RASSF3: variants seen among roughly 807,000 people sequenced by gnomAD.
RASSF3 encodes the protein Ras association domain family member 3.
In RASSF3, 19 loss-of-function variants were observed where a neutral mutation model predicts 19.9. The ratio of observed to expected loss-of-function variants is 0.96; its 90% CI spans 0.67 to 1.40. The LOEUF (loss-of-function observed/expected upper bound fraction) is 1.40. Among genes scored for constraint, RASSF3 ranks in the 40% most tolerant of loss-of-function variants. RASSF3 has a pLI of 0.00. For missense variants in RASSF3, 306 were observed against 289.8 expected (o/e 1.06, Z -0.41); for synonymous variants, 110 against 104.2 (o/e 1.06, Z -0.34).
intron 2 of RASSF3, among the ~76,000 whole-genome samples, chr12:64,601,650 C>T (rs1870092973): frequency 6.6e-6 from 1 of 151,206 alleles, no homozygotes; most frequent in South Asian, 2.1e-4. Flanking sequence ...GGAGGGACCC[C>T]GTCTCTACAA....
intron 2 of RASSF3, among the ~76,000 whole-genome samples, chr12:64,581,171 G>A (rs915181176): frequency 2.0e-5 from 3 of 151,744 alleles, no homozygotes; most frequent in African/African-American, 7.3e-5. Context: ...CACTCATCCA[G>A]TTCTTCATTT....
At chr12:64,567,422 G>T (rs1462877938) in intron 2 of RASSF3, among the ~76,000 whole-genome samples, 1 of 152,148 alleles carries the variant, frequency 6.6e-6, no homozygotes, top group Admixed American at 6.6e-5. Flanking sequence ...GTTAAGTGTG[G>T]CCAGTAACTG....
chr12:64,558,247 C>CA (rs1869285928), intron 2 of RASSF3, among the ~76,000 whole-genome samples: 1 of 152,318 alleles, frequency 6.6e-6, no homozygotes, highest in Non-Finnish European at 1.5e-5. Context: ...TTTACGCCAC[C>CA]ATAGCTGCTC....
chr12:64,521,686 C>T (rs1256369698), intron 1 of RASSF3, among the ~76,000 whole-genome samples: 7 of 152,122 alleles, frequency 4.6e-5, no homozygotes, highest in African/African-American at 1.2e-4. Context: ...CCATCATGCC[C>T]GTCAGTGCCA....
intron 2 of RASSF3, among the ~76,000 whole-genome samples, chr12:64,559,247 T>A (rs1434994094): frequency 8.5e-6 from 1 of 117,110 alleles, no homozygotes; most frequent in Non-Finnish European, 1.9e-5. Context: ...TCTTTTTTTC[T>A]TTTTTTTTTT....
chr12:64,538,650 CA>C (rs35777262), intron 1 of RASSF3, among the ~76,000 whole-genome samples: 3,766 of 150,472 alleles, frequency 0.025, 97 homozygotes, highest in African/African-American at 0.072. Context: ...AGAAAACACA[CA>C]AAAAAAAACA....
intron 2 of RASSF3, among the ~76,000 whole-genome samples, chr12:64,575,280 G>A (rs754711002): frequency 7.2e-5 from 11 of 152,182 alleles, no homozygotes; most frequent in Non-Finnish European, 1.3e-4. Flanking sequence ...CTGGCTGGGC[G>A]TGGTGGCTCA....
intron 2 of RASSF3, among the ~76,000 whole-genome samples, chr12:64,581,120 AAAG>A (rs1361291725): frequency 1.2e-4 from 19 of 152,136 alleles, no homozygotes; most frequent in Middle Eastern, 3.4e-3. Context: ...TAAAAAAAAA[AAAG>A]AGAGAGAGAG....
At chr12:64,614,528 G>A (rs1222291378) in intron 1 of RASSF3, among the ~76,000 whole-genome samples, 3 of 152,008 alleles carry the variant, frequency 2.0e-5, no homozygotes, top group East Asian at 3.8e-4. Flanking sequence ...TTTAGTGATT[G>A]TATAAGGCCC....
intron 3 of RASSF3, among the ~76,000 whole-genome samples, 162 bp from the exon 4 acceptor site, chr12:64,691,308 A>G (rs1000331414): frequency 1.3e-5 from 2 of 152,222 alleles, no homozygotes; most frequent in African/African-American, 4.8e-5. Context: ...ATTTTATTCC[A>G]CTGTGGGCTA....
At chr12:64,566,523 C>G (rs760524294) in intron 2 of RASSF3, among the ~76,000 whole-genome samples, 1 of 152,104 alleles carries the variant, frequency 6.6e-6, no homozygotes, top group Non-Finnish European at 1.5e-5. Flanking sequence ...AAAGGAGAGA[C>G]AGAGCCTCAG....
intron 1 of RASSF3, among the ~76,000 whole-genome samples, chr12:64,620,624 G>A (rs776778541): frequency 2.0e-5 from 3 of 152,078 alleles, no homozygotes; most frequent in African/African-American, 4.8e-5. Flanking sequence ...TTGAATTGGC[G>A]TTATTCCCAA....
rs1051169400 is a variant in RASSF3 at position 64,643,155 on chromosome 12, C to T, written c.111+32412C>T. Among the ~76,000 whole-genome samples, 3 of 151,658 alleles carry T rather than the reference C, an allele frequency of 2.0e-5. No homozygotes were observed. The East Asian group carries it at 5.8e-4, about 29-fold the overall frequency. Reference sequence around the variant, plus strand: ...TGCTGGGATCACCGGTGTGAGCCATCACGCCTGGCCCGGGCAAGTTTCTTA... The same window carrying T: ...TGCTGGGATCACCGGTGTGAGCCATTACGCCTGGCCCGGGCAAGTTTCTTA... On this transcript the variant is annotated intron_variant, in intron 1 of 4. Coordinates refer to ENST00000542104, the MANE Select transcript of RASSF3 (RefSeq NM_178169.4).
intron 1 of RASSF3, 77 bp downstream of exon 1, chr12:64,610,820 C>A: frequency 1.2e-6 from 1 of 866,848 alleles, no homozygotes; most frequent in Non-Finnish European, 1.7e-6. Context: ...CCCCTGCCTC[C>A]ACGTGTCTCT....
chr12:64,651,532 G>C (rs1385219228), intron 1 of RASSF3, among the ~76,000 whole-genome samples: 2 of 151,978 alleles, frequency 1.3e-5, no homozygotes, highest in Non-Finnish European at 2.9e-5. Flanking sequence ...GGTGATTTTT[G>C]AATTTTTAGT....
intron 2 of RASSF3, among the ~76,000 whole-genome samples, chr12:64,568,430 C>A (rs1230963805): frequency 1.3e-5 from 2 of 152,142 alleles, no homozygotes; most frequent in Non-Finnish European, 2.9e-5. Flanking sequence ...TCTTCTATTA[C>A]AACAGAGGCC....
intron 1 of RASSF3, among the ~76,000 whole-genome samples, chr12:64,652,043 A>G (rs1469000880): frequency 6.6e-6 from 1 of 152,200 alleles, no homozygotes; most frequent in African/African-American, 2.4e-5. Flanking sequence ...AGACGTGCTA[A>G]GGCAATAATT....
At chr12:64,674,479 G>C (rs1872810258) in intron 1 of RASSF3, among the ~76,000 whole-genome samples, 1 of 152,208 alleles carries the variant, frequency 6.6e-6, no homozygotes, top group Non-Finnish European at 1.5e-5. Flanking sequence ...ACTTTGGGAG[G>C]CCGAGGTAGG....
chr12:64,696,877 G>A lies in RASSF3; in HGVS notation c.*1965G>A, dbSNP rs1264044617. 6 of 152,062 alleles carry A rather than the reference G, an allele frequency of 3.9e-5. No homozygotes were observed. The East Asian group carries it at 5.8e-4, about 15-fold the overall frequency. 9.4% of individuals were successfully genotyped at this position (152,062 alleles called of 1,614,324 possible). On this transcript the variant is annotated 3_prime_UTR_variant, in exon 5 of 5. Transcript: ENST00000542104. ...CAACACTTTACCTTTATTGTTCAGG[G>A]AATGCCTTCGTGATTTTTTGTACTG...
Sources: gnomAD v4.1 joint callset for allele counts (sites outside exome capture counted in the v4.1 genomes callset) on GRCh38, gnomAD v4.1.1 for gene constraint, MANE v1.5 for transcripts, NCBI Gene and HGNC (gene_info 2026-07-23, HGNC 2026-07-21) for gene names.